The following CDC25C variants were observed in gnomAD, a reference collection of about 807,000 sequenced individuals.
CDC25C encodes the protein cell division cycle 25C, also known as M-phase inducer phosphatase 3.
A neutral mutation model predicts 52.5 loss-of-function variants in CDC25C; 48 were observed. The observed-to-expected ratio is 0.91, with a 90% CI of 0.72 to 1.16. The LOEUF is 1.16. CDC25C is among the 50% of genes most tolerant of loss of function. The probability of loss-of-function intolerance (pLI) is 0.00; values close to 1 mark genes in which losing one functional copy is unlikely to be tolerated. For missense variants in CDC25C, 510 were observed against 566.1 expected, an observed-to-expected ratio of 0.90 and a Z score of 1.01; for synonymous variants, 187 against 206.5, an observed-to-expected ratio of 0.91 and a Z score of 0.81.
Position 138,331,681 on chromosome 5 carries a change from G to T in CDC25C, c.-125C>A. On this transcript the variant is annotated 5_prime_UTR_variant, in exon 1 of 14. Coordinates refer to ENST00000323760, the MANE Select transcript of CDC25C (RefSeq NM_001790.5). ...AGGCGAAGACTTGAGCAGAATGAAA[G>T]GAAATCTAGGGGAAAGGAGGTAGTT... The T allele has an allele frequency of 1.0e-6, 1 of 991,786 alleles. No individual in the cohort carries two copies. Among genetic ancestry groups the T allele is most frequent in the Non-Finnish European group, 1.2e-6 (1 of 833,412 alleles). 61.4% of individuals were successfully genotyped at this position (991,786 alleles called of 1,614,324 possible). A position where few individuals can be genotyped will look rare whatever the true frequency, so the allele number is the denominator to read the frequency against.
At chr5:138,329,171 G>A (rs1265967824) in intron 3 of CDC25C, among the ~76,000 whole-genome samples, 1 of 152,126 alleles carries the variant, frequency 6.6e-6, no homozygotes, top group African/African-American at 2.4e-5. Context: ...CCAAAGTGCT[G>A]GGATTACAGG....
At chr5:138,334,722 C>T (rs1483329528), upstream of CDC25C, among the ~76,000 whole-genome samples, 1 of 152,228 alleles carries the variant, frequency 6.6e-6, no homozygotes, top group Non-Finnish European at 1.5e-5. Context: ...ACTATCTCCT[C>T]ATGATTCCAG....
chr5:138,326,583 C>T (rs1048573222), intron 4 of CDC25C, among the ~76,000 whole-genome samples: 5 of 152,054 alleles, frequency 3.3e-5, no homozygotes, highest in African/African-American at 4.8e-5. Flanking sequence ...CCTCGTGATC[C>T]GCCCGCCTCA....
At chr5:138,313,963 T>TTTTC (rs55833555) in intron 7 of CDC25C, among the ~76,000 whole-genome samples, 22,529 of 105,578 alleles carry the variant, frequency 0.21, 3,127 homozygotes, top group South Asian at 0.34. Flanking sequence ...CTATGTCCCT[T>TTTTC]TTTCTTTCTT....
chr5:138,306,469 A>G (rs1758007161), intron 7 of CDC25C, among the ~76,000 whole-genome samples: 1 of 151,226 alleles, frequency 6.6e-6, no homozygotes. Flanking sequence ...ATTTCCGTTT[A>G]TTATTATTAT....
At chr5:138,316,365 C>T (rs974484118) in intron 7 of CDC25C, among the ~76,000 whole-genome samples, 2 of 152,154 alleles carry the variant, frequency 1.3e-5, no homozygotes, top group Non-Finnish European at 2.9e-5. Flanking sequence ...AATTTGGGCA[C>T]GGAGAAGCAA....
intron 7 of CDC25C, among the ~76,000 whole-genome samples, chr5:138,309,385 A>G (rs1480913705): frequency 6.6e-6 from 1 of 152,010 alleles, no homozygotes; most frequent in East Asian, 1.9e-4. Flanking sequence ...GTGAAACCCT[A>G]TCTCTACTAA....
intron 7 of CDC25C, among the ~76,000 whole-genome samples, chr5:138,295,718 GGA>G (rs1477555481): frequency 6.6e-6 from 1 of 152,086 alleles, no homozygotes; most frequent in Non-Finnish European, 1.5e-5. Context: ...GCTAGGCCAT[GGA>G]GAGATAATGA....
In CDC25C at chr5:138,331,083, A is replaced by G. The variant is rs1019689798; in HGVS notation, c.98T>C (p.Leu33Pro). 6.2e-7 allele frequency: 1 copy of G among 1,614,206 alleles called. No individual in the cohort carries two copies. The highest frequency in any genetic ancestry group is 8.5e-7 in the Non-Finnish European group (1 of 1,180,002). The change falls in exon 2 of 14, where the codon CTG (leucine) becomes CCG (proline). Residue 33 changes from leucine (L) to proline (P), a missense_variant. Leu to Pro is a moderately conservative substitution (Grantham distance 98, BLOSUM62 -3). Transcript: ENST00000323760. ...GACGGTAAAGGAAGTGTCTCTCTCC[A>G]GGAGCAGGTTTAACATTTTCCTTTG... The part of the protein sequence containing the change: ...SNQRKMLNLL[L>P]ERDTSFTVCP...
At chr5:138,337,809 AT>A (rs1441850344) in intron 1 of CDC25C, 3 of 443,204 alleles carry the variant, frequency 6.8e-6, no homozygotes, top group Non-Finnish European at 1.2e-5. Flanking sequence ...GGGAAGGGGG[AT>A]TCCTTCGAAG....
chr5:138,286,259 C>A, intron 12 of CDC25C, 126 bp from the exon 13 acceptor site: 1 of 834,098 alleles, frequency 1.2e-6, no homozygotes. Context: ...TCCAATCTCC[C>A]TGTGTTTGCA....
At chr5:138,302,882 A>G (rs68158196) in intron 7 of CDC25C, among the ~76,000 whole-genome samples, 50,428 of 150,224 alleles carry the variant, frequency 0.34, 9,074 homozygotes, top group East Asian at 0.61. Context: ...CAAAATGGTG[A>G]GATCCCCATC....
chr5:138,286,370 C>T lies in CDC25C; in HGVS notation c.1160+127G>A, dbSNP rs534888395. On this transcript the variant is annotated intron_variant, in intron 12 of 13. Coordinates refer to ENST00000323760, the MANE Select transcript of CDC25C (RefSeq NM_001790.5). ...GTTTCAAACTTTTCAATTTTAGAAA[C>T]GTCTTCCTTCAACCTCCCTAACATT... 69 of 1,097,688 alleles carry T rather than the reference C, an allele frequency of 6.3e-5. No homozygotes were observed. In the African/African-American group the frequency reaches 8.5e-4, roughly 14 times the overall value. The allele number at this position is 1,097,688 out of a possible 1,614,324, so 68.0% of individuals were successfully genotyped here.
Position 138,330,936 on chromosome 5 carries a change from C to T in CDC25C, c.194+51G>A, listed in dbSNP as rs760135817. 1.7e-5 allele frequency: 22 copies of T among 1,306,096 alleles called. 1 individual carries two copies. In the South Asian group the frequency reaches 2.4e-4, roughly 14 times the overall value. The allele number at this position is 1,306,096 out of a possible 1,614,324, so 80.9% of individuals were successfully genotyped here. The stretch of plus-strand genomic sequence containing the variant: ...AAAACAAACCAACAAACAAACCCAA[C>T]TGTTTGGAAATAGCAAAGGCAATAC... On this transcript the variant is annotated intron_variant, in intron 2 of 13. Coordinates refer to ENST00000323760, the MANE Select transcript of CDC25C (RefSeq NM_001790.5).
chr5:138,326,153 A>G, intron 4 of CDC25C, 99 bp from the exon 5 acceptor site: 1 of 1,243,194 alleles, frequency 8.0e-7, no homozygotes, highest in Non-Finnish European at 1.2e-6. Context: ...ATTTCATTCT[A>G]GGAGCCCTAT....
At chr5:138,299,293 C>T (rs1017473108) in intron 7 of CDC25C, among the ~76,000 whole-genome samples, 3 of 149,980 alleles carry the variant, frequency 2.0e-5, no homozygotes, top group Non-Finnish European at 3.0e-5. Flanking sequence ...GTCAGGAGTT[C>T]GAGACCAGCC....
intron 6 of CDC25C, among the ~76,000 whole-genome samples, chr5:138,323,864 A>G (rs1759631452): frequency 6.6e-6 from 1 of 151,876 alleles, no homozygotes; most frequent in Non-Finnish European, 1.5e-5. Context: ...AGGCTGAGGC[A>G]AGAGAATCTC....
chr5:138,323,394 C>A (rs528403174), intron 6 of CDC25C, among the ~76,000 whole-genome samples: 4 of 152,212 alleles, frequency 2.6e-5, no homozygotes, highest in African/African-American at 7.2e-5. Context: ...GGCTCTTGGG[C>A]CGAGGCGATC....
chr5:138,329,745 T>G, intron 2 of CDC25C, 98 bp from the exon 3 acceptor site: 1 of 641,470 alleles, frequency 1.6e-6, no homozygotes, highest in Non-Finnish European at 2.6e-6. Flanking sequence ...TTTTTTTTTT[T>G]TTTGCAGTGG....
Sources: gnomAD v4.1 joint callset for allele counts (sites outside exome capture counted in the v4.1 genomes callset) on GRCh38, gnomAD v4.1.1 for gene constraint, MANE v1.5 for transcripts, NCBI Gene and HGNC (gene_info 2026-07-23, HGNC 2026-07-21) for gene names.